Variants in SUMF1 observed in about 807,000 individuals in gnomAD.
SUMF1 encodes formylglycine-generating enzyme.
In SUMF1, 48 loss-of-function variants were observed where a neutral mutation model predicts 47.6. That is an observed-to-expected ratio of 1.01 (90% CI 0.80 to 1.28). SUMF1 has a LOEUF of 1.28. Ranked by LOEUF, SUMF1 falls within the 50% of genes most tolerant of loss-of-function variation. SUMF1 has a pLI of 0.00. For synonymous variants in SUMF1, 230 were observed against 192.1 expected, an observed-to-expected ratio of 1.20 and a Z score of -1.63; for missense variants, 571 against 485.4, an observed-to-expected ratio of 1.18 and a Z score of -1.66.
chr3:4,461,193 C>A (rs2079806184), intron 1 of SUMF1, among the ~76,000 whole-genome samples: 1 of 152,132 alleles, frequency 6.6e-6, no homozygotes, highest in African/African-American at 2.4e-5. Context: ...CATAACATGT[C>A]AACATCACAG....
intron 8 of SUMF1, among the ~76,000 whole-genome samples, chr3:4,288,011 T>C (rs1697668738): frequency 6.6e-6 from 1 of 152,038 alleles, no homozygotes; most frequent in African/African-American, 2.4e-5. Flanking sequence ...AACTCTACAG[T>C]GGTATGAAAA....
At chr3:4,317,345 A>C in intron 8 of SUMF1, 1 of 801,368 alleles carries the variant, frequency 1.2e-6, no homozygotes, top group Middle Eastern at 2.6e-4. Context: ...TTGAAATATA[A>C]ATTAAAATTG....
At chr3:4,090,891 C>T (rs1477275676) in intron 8 of SUMF1, among the ~76,000 whole-genome samples, 1 of 151,972 alleles carries the variant, frequency 6.6e-6, no homozygotes, top group Non-Finnish European at 1.5e-5. Flanking sequence ...CCCATCCTGG[C>T]TAACACGGTG....
At chr3:4,265,505 C>T (rs1403904213) in intron 8 of SUMF1, among the ~76,000 whole-genome samples, 2 of 152,126 alleles carry the variant, frequency 1.3e-5, no homozygotes, top group Admixed American at 1.3e-4. Flanking sequence ...AGTGTCTCTG[C>T]TAATTGTTCC....
intron 8 of SUMF1, chr3:4,316,451 C>G: frequency 1.2e-6 from 2 of 1,602,692 alleles, no homozygotes; most frequent in East Asian, 4.5e-5. Context: ...TGAGAGCAAT[C>G]ATCGAAGCTG....
chr3:4,157,257 G>C (rs1694473477), intron 8 of SUMF1, among the ~76,000 whole-genome samples: 1 of 151,444 alleles, frequency 6.6e-6, no homozygotes, highest in African/African-American at 2.5e-5. Context: ...CAGTTTTTTA[G>C]ATGTGCTGGT....
In SUMF1 at chr3:4,398,965, T is replaced by C. The variant is rs2124963105; in HGVS notation, c.954+11900A>G. On this transcript the variant is annotated intron_variant, in intron 7 of 8. Coordinates refer to ENST00000272902, the MANE Select transcript of SUMF1 (RefSeq NM_182760.4). ...GGATCAGAAGATCTGGGATTTAATC[T>C]TGACTGCAAATCAAGTTCAAAATCC... 2.0e-5 allele frequency among the ~76,000 whole-genome samples: 3 copies of C among 152,356 alleles called. No individual in the cohort carries two copies. The Middle Eastern group carries it at 0.01, about 518-fold the overall frequency.
intron 8 of SUMF1, among the ~76,000 whole-genome samples, chr3:4,307,287 A>G (rs1240717695): frequency 1.3e-5 from 2 of 152,236 alleles, no homozygotes; most frequent in African/African-American, 4.8e-5. Context: ...CAATCTGGCA[A>G]TCGAAAAATG....
chr3:4,170,160 C>T (rs1694800818), intron 8 of SUMF1, among the ~76,000 whole-genome samples: 1 of 152,114 alleles, frequency 6.6e-6, no homozygotes, highest in Non-Finnish European at 1.5e-5. Flanking sequence ...TGTGCTACAA[C>T]AGTAAAGTCA....
intron 1 of SUMF1, among the ~76,000 whole-genome samples, chr3:4,465,486 A>G (rs1025126105): frequency 2.6e-5 from 4 of 152,230 alleles, no homozygotes; most frequent in South Asian, 4.1e-4. Flanking sequence ...TAAAAAAAAA[A>G]AAAAGAAAAG....
intron 1 of SUMF1, among the ~76,000 whole-genome samples, chr3:4,460,949 C>T (rs1275286251): frequency 2.6e-5 from 4 of 152,062 alleles, no homozygotes; most frequent in African/African-American, 9.7e-5. Context: ...GCCACCGCAT[C>T]CCACCCAAAG....
At chr3:4,395,133 A>G (rs889872984) in intron 7 of SUMF1, among the ~76,000 whole-genome samples, 1 of 152,118 alleles carries the variant, frequency 6.6e-6, no homozygotes, top group Non-Finnish European at 1.5e-5. Context: ...GCTCAGAGAG[A>G]TGAAATAAAT....
intron 8 of SUMF1, among the ~76,000 whole-genome samples, chr3:4,355,928 T>G (rs1699607793): frequency 6.6e-6 from 1 of 152,206 alleles, no homozygotes; most frequent in African/African-American, 2.4e-5. Flanking sequence ...GCCCCCTTGG[T>G]ACTAATCCCT....
chr3:4,176,985 C>T (rs570140738), intron 8 of SUMF1, among the ~76,000 whole-genome samples: 1 of 152,274 alleles, frequency 6.6e-6, no homozygotes, highest in Non-Finnish European at 1.5e-5. Context: ...ACAAGAAGAG[C>T]TAACTATCCT....
chr3:4,273,558 T>C (rs1354751172), intron 8 of SUMF1, among the ~76,000 whole-genome samples: 1 of 151,990 alleles, frequency 6.6e-6, no homozygotes, highest in Non-Finnish European at 1.5e-5. Context: ...TTGGAGATCA[T>C]AGAAATGTTC....
chr3:4,432,924 C>T (rs1702280810), intron 3 of SUMF1, among the ~76,000 whole-genome samples: 1 of 152,154 alleles, frequency 6.6e-6, no homozygotes, highest in East Asian at 1.9e-4. Context: ...CCAAACCCCA[C>T]CCCACCCCTG....
intron 8 of SUMF1, among the ~76,000 whole-genome samples, chr3:4,292,758 T>C (rs2125056359): frequency 6.6e-6 from 1 of 152,306 alleles, no homozygotes; most frequent in East Asian, 1.9e-4. Context: ...GTCTGGAAAG[T>C]GCAATCTGAA....
intron 8 of SUMF1, among the ~76,000 whole-genome samples, chr3:4,148,034 T>A (rs755584665): frequency 6.6e-6 from 1 of 152,110 alleles, no homozygotes; most frequent in African/African-American, 2.4e-5. Flanking sequence ...TGGCACATTT[T>A]AAAAAAATGA....
chr3:4,205,471 C>G (rs1207760695), intron 8 of SUMF1, among the ~76,000 whole-genome samples: 1 of 152,166 alleles, frequency 6.6e-6, no homozygotes, highest in Non-Finnish European at 1.5e-5. Flanking sequence ...GGTCTTGGTG[C>G]TTGCAGATAT....
Sources: gnomAD v4.1 joint callset for allele counts (sites outside exome capture counted in the v4.1 genomes callset) on GRCh38, gnomAD v4.1.1 for gene constraint, MANE v1.5 for transcripts, NCBI Gene and HGNC (gene_info 2026-07-23, HGNC 2026-07-21) for gene names.